APLF: variants seen among roughly 807,000 people sequenced by gnomAD.
The protein encoded by APLF is aprataxin and PNK-like factor.
APLF carries 61 observed loss-of-function variants against 55.6 expected under a neutral mutation model. The observed-to-expected ratio is 1.10, with a 90% CI of 0.89 to 1.36. APLF has a LOEUF of 1.36. Among genes scored for constraint, APLF ranks in the 40% most tolerant of loss-of-function variants. APLF has a pLI of 0.00. For synonymous variants in APLF, 207 were observed against 214.8 expected (o/e 0.96, Z 0.32); for missense variants, 611 against 602.5 (o/e 1.01, Z -0.15).
At chr2:68,527,928 GC>G (rs1400622965) in intron 6 of APLF, among the ~76,000 whole-genome samples, 3 of 139,012 alleles carry the variant, frequency 2.2e-5, no homozygotes, top group African/African-American at 8.3e-5. Context: ...ACTCCTCACT[GC>G]CCAGACGGGG....
rs371867010 is a variant in APLF at position 68,467,621 on chromosome 2, C to T, written c.-111C>T. 1 of 914,036 alleles carries T rather than the reference C, an allele frequency of 1.1e-6. No homozygotes were observed. The highest frequency in any genetic ancestry group is 1.4e-6 in the Non-Finnish European group (1 of 696,186). The allele number at this position is 914,036 out of a possible 1,614,324, so 56.6% of individuals were successfully genotyped here. On this transcript the variant is annotated 5_prime_UTR_variant, in exon 1 of 10. Coordinates refer to ENST00000303795, the MANE Select transcript of APLF (RefSeq NM_173545.3). ...CGCAGCCGCGGGGAGCCTTTGAGGC[C>T]CTCCCTCGGTGTTTTTTCCCAGGGC...
intron 2 of APLF, among the ~76,000 whole-genome samples, chr2:68,501,537 T>C (rs772909348): frequency 1.8e-4 from 28 of 152,316 alleles, no homozygotes; most frequent in Non-Finnish European, 3.4e-4. Flanking sequence ...ATTTGACTTA[T>C]GGAAAGAGCC....
intron 3 of APLF, among the ~76,000 whole-genome samples, chr2:68,511,670 A>C (rs534283965): frequency 6.6e-6 from 1 of 151,692 alleles, no homozygotes; most frequent in South Asian, 2.1e-4. Flanking sequence ...ACTTGAAAAA[A>C]ATTATAATTT....
intron 5 of APLF, 86 bp downstream of exon 5, chr2:68,513,766 G>T: frequency 1.4e-6 from 2 of 1,450,990 alleles, no homozygotes; most frequent in Non-Finnish European, 1.9e-6. Context: ...CTATAAACTA[G>T]TTCTATAGAG....
chr2:68,578,329 G>T lies in APLF; in HGVS notation c.*307G>T, dbSNP rs1671674928. 1 of 1,051,254 alleles carries T rather than the reference G, an allele frequency of 9.5e-7. No individual in the cohort carries two copies. The highest frequency in any genetic ancestry group is 5.0e-5 in the Admixed American group (1 of 19,814). 65.1% of individuals were successfully genotyped at this position (1,051,254 alleles called of 1,614,324 possible). A position where few individuals can be genotyped will look rare whatever the true frequency, so the allele number is the denominator to read the frequency against. ...TGGTAATAAAAAGTAAAAGCCATAGGTTGCATAAAACTTTGGTCTTTTTAA... is the reference window on the plus strand; with the variant it reads ...TGGTAATAAAAAGTAAAAGCCATAGTTTGCATAAAACTTTGGTCTTTTTAA... On this transcript the variant is annotated 3_prime_UTR_variant, in exon 10 of 10. Coordinates refer to ENST00000303795, the MANE Select transcript of APLF (RefSeq NM_173545.3).
At chr2:68,528,716 A>G (rs1270802139) in intron 6 of APLF, 1 of 1,513,258 alleles carries the variant, frequency 6.6e-7, no homozygotes, top group East Asian at 2.4e-5. Context: ...CCCAAAGGGA[A>G]GGATGCCTCC....
intron 5 of APLF, chr2:68,515,542 C>G (rs1669556905): frequency 1.0e-6 from 1 of 956,276 alleles, no homozygotes; most frequent in East Asian, 1.2e-4. Context: ...AATAATAGTT[C>G]AACATGTATT....
At chr2:68,478,277 T>C (rs1469164125) in intron 1 of APLF, among the ~76,000 whole-genome samples, 4 of 152,124 alleles carry the variant, frequency 2.6e-5, no homozygotes, top group African/African-American at 9.7e-5. Flanking sequence ...GAATACAGCA[T>C]ATGGACGATT....
chr2:68,556,670 T>C (rs561431771), intron 8 of APLF, among the ~76,000 whole-genome samples: 4 of 152,348 alleles, frequency 2.6e-5, no homozygotes, highest in African/African-American at 9.6e-5. Flanking sequence ...GGTGTAAGAA[T>C]GTAAAGTCAC....
intron 1 of APLF, among the ~76,000 whole-genome samples, chr2:68,482,215 C>T (rs1474832954): frequency 6.6e-6 from 1 of 151,584 alleles, no homozygotes; most frequent in Admixed American, 6.6e-5. Flanking sequence ...ATAGTTGCCT[C>T]TTCTAATTTT....
intron 5 of APLF, among the ~76,000 whole-genome samples, chr2:68,516,847 T>TTA (rs1327852679): frequency 1.4e-5 from 2 of 137,968 alleles, no homozygotes; most frequent in Non-Finnish European, 3.1e-5. Context: ...GCATCACGTT[T>TTA]TATATATATA....
intron 2 of APLF, among the ~76,000 whole-genome samples, chr2:68,492,957 C>T (rs1412112693): frequency 1.3e-5 from 2 of 151,998 alleles, no homozygotes; most frequent in African/African-American, 2.4e-5. Flanking sequence ...CTTTTTTTGA[C>T]AACTTAGAAT....
intron 9 of APLF, among the ~76,000 whole-genome samples, chr2:68,572,654 A>G (rs1184234282): frequency 6.6e-6 from 1 of 151,940 alleles, no homozygotes; most frequent in Non-Finnish European, 1.5e-5. Context: ...TGGGCAACAG[A>G]GTGAGACCAC....
chr2:68,563,320 T>C (rs1378398646), intron 8 of APLF: 2 of 983,874 alleles, frequency 2.0e-6, no homozygotes, highest in East Asian at 1.1e-4. Flanking sequence ...TTTTCTGCTC[T>C]TCCTTTTTGG....
intron 1 of APLF, among the ~76,000 whole-genome samples, chr2:68,479,390 A>C (rs1288047350): frequency 1.3e-5 from 2 of 152,240 alleles, no homozygotes; most frequent in African/African-American, 4.8e-5. Context: ...CAATCAAATA[A>C]ATTATGGAAG....
At chr2:68,542,929 T>C (rs1032786994) in intron 7 of APLF, among the ~76,000 whole-genome samples, 2 of 152,110 alleles carry the variant, frequency 1.3e-5, no homozygotes, top group Non-Finnish European at 2.9e-5. Context: ...TAAAGAAAAT[T>C]TGGTATATAC....
chr2:68,468,999 T>TGTGA (rs1675526272), intron 1 of APLF, among the ~76,000 whole-genome samples: 1 of 147,188 alleles, frequency 6.8e-6, no homozygotes, highest in Non-Finnish European at 1.5e-5. Context: ...GGTGTGTGTG[T>TGTGA]GTGTGTGTGT....
chr2:68,511,664 G>GA (rs985520214), intron 3 of APLF, among the ~76,000 whole-genome samples: 9 of 151,486 alleles, frequency 5.9e-5, no homozygotes, highest in Admixed American at 1.3e-4. Context: ...AAGAAAACTT[G>GA]AAAAAAATTA....
chr2:68,532,790 C>G (rs1485707870), intron 6 of APLF, among the ~76,000 whole-genome samples: 3 of 151,886 alleles, frequency 2.0e-5, no homozygotes, highest in Admixed American at 1.3e-4. Flanking sequence ...GGATGGTTGC[C>G]ATGGTTTGAG....
Sources: gnomAD v4.1 joint callset for allele counts (sites outside exome capture counted in the v4.1 genomes callset) on GRCh38, gnomAD v4.1.1 for gene constraint, MANE v1.5 for transcripts, NCBI Gene and HGNC (gene_info 2026-07-23, HGNC 2026-07-21) for gene names.